Variants in EFCC1 observed in about 807,000 individuals in gnomAD.
EFCC1 encodes the protein EF-hand and coiled-coil domain containing 1, also known as EF-hand and coiled-coil domain-containing protein 1.
Under a neutral mutation model 52.1 loss-of-function variants are expected in EFCC1, and 50 were observed. The observed-to-expected ratio is 0.96, with a 90% CI of 0.76 to 1.21. The LOEUF (loss-of-function observed/expected upper bound fraction) is 1.21, where lower values mean the gene tolerates loss of function less well. EFCC1 is among the 50% of genes most tolerant of loss of function. The pLI is 0.00. For missense variants in EFCC1, 837 were observed against 867.3 expected (o/e 0.97, Z 0.44); for synonymous variants, 399 against 396.5 (o/e 1.01, Z -0.08).
At chr3:129,030,285 G>C (rs1559973956) in intron 2 of EFCC1, among the ~76,000 whole-genome samples, 1 of 152,166 alleles carries the variant, frequency 6.6e-6, no homozygotes, top group African/African-American at 2.4e-5. Flanking sequence ...TAGGGCTGAT[G>C]AACTCAACAG....
At chr3:129,022,307 G>A (rs1321559903) in intron 2 of EFCC1, among the ~76,000 whole-genome samples, 2 of 152,188 alleles carry the variant, frequency 1.3e-5, no homozygotes, top group African/African-American at 2.4e-5. Flanking sequence ...GCTCAGAGAC[G>A]GGGAGGGAGT....
intron 2 of EFCC1, among the ~76,000 whole-genome samples, chr3:129,013,984 C>T (rs1945453306): frequency 6.6e-6 from 1 of 152,150 alleles, no homozygotes; most frequent in South Asian, 2.1e-4. Context: ...GGGGCTTTTC[C>T]GGAGAGGACC....
rs1006856833 is a variant in EFCC1, at chr3:129,014,711, A to G, written c.980+10634A>G. Among the ~76,000 whole-genome samples the G allele has an allele frequency of 1.3e-5, 2 of 152,188 alleles. No homozygotes were observed. Among genetic ancestry groups the G allele is most frequent in the African/African-American group, 4.8e-5 (2 of 41,446 alleles). ...CCCTGGAATTGAGGCCTGAGTGGCA[A>G]GGTGGGGCCATGACTTGTGTGATCC... On this transcript the variant is annotated intron_variant, in intron 2 of 7. Coordinates refer to ENST00000683648, the MANE Select transcript of EFCC1 (RefSeq NM_001377500.1). This position sits in a 1 kb window ranked among gnomAD's most constrained non-coding sequence, Gnocchi z 4.3.
intron 2 of EFCC1, among the ~76,000 whole-genome samples, chr3:129,015,778 G>GC (rs1365896811): frequency 2.6e-4 from 35 of 136,298 alleles, no homozygotes; most frequent in African/African-American, 9.6e-4. Flanking sequence ...GCTGCATCCC[G>GC]CCCCCCTACC....
chr3:129,024,171 G>A (rs914401763), intron 2 of EFCC1, among the ~76,000 whole-genome samples: 1 of 152,262 alleles, frequency 6.6e-6, no homozygotes, highest in Non-Finnish European at 1.5e-5. Context: ...AGCCAGGAGA[G>A]GTGTCTTATT....
intron 2 of EFCC1, among the ~76,000 whole-genome samples, chr3:129,006,894 AAAG>A (rs5852557): frequency 0.021 from 3,220 of 152,258 alleles, 115 homozygotes; most frequent in African/African-American, 0.072. Flanking sequence ...CTCACTCTGA[AAAG>A]AAGGAAAAGG....
chr3:129,018,556 A>G (rs1392881900), intron 2 of EFCC1, among the ~76,000 whole-genome samples: 2 of 152,188 alleles, frequency 1.3e-5, no homozygotes, highest in Non-Finnish European at 2.9e-5. Flanking sequence ...AGCCTGAAGT[A>G]TTTACTCTCT....
rs1323088349 is a variant in EFCC1, at chr3:129,001,838, C to G, written c.210C>G (p.Gly70=). 1 of 1,545,590 alleles carries G rather than the reference C, an allele frequency of 6.5e-7. No homozygotes were observed. The highest frequency in any genetic ancestry group is 8.7e-7 in the Non-Finnish European group (1 of 1,145,636). Residue 70 remains glycine (G), a synonymous_variant, in exon 1 of 8, where the codon GGC becomes GGG. Coordinates refer to ENST00000683648, the MANE Select transcript of EFCC1 (RefSeq NM_001377500.1). ...QEVFHHLDCR[G]AGRLPRADFR... is the part of the protein sequence containing the mutation. ...TCTTCCACCACCTGGACTGCCGCGG[C>G]GCCGGCCGTCTGCCCCGCGCCGACT...
chr3:129,034,082 AC>A, intron 4 of EFCC1, 81 bp from the exon 5 acceptor site: 1 of 1,558,204 alleles, frequency 6.4e-7, no homozygotes, highest in Non-Finnish European at 8.8e-7. Flanking sequence ...CCAACTCCAC[AC>A]CACCACCACC....
At position 129,039,828 on chromosome 3, in the gene EFCC1, C is replaced by T; in HGVS notation, c.1780C>T (p.Pro594Ser). 6.2e-7 allele frequency: 1 copy of T among 1,609,282 alleles called. No individual in the cohort carries two copies. The highest frequency in any genetic ancestry group is 1.1e-5 in the South Asian group (1 of 90,556). Residue 594 changes from proline (P) to serine (S), a missense_variant, in exon 8 of 8, where the codon CCC (proline) becomes TCC (serine). By Grantham distance (74) the Pro-to-Ser change is moderately conservative. Transcript: ENST00000683648. ...CTCTGCAGCAGCTGCGCTCACCAAC[C>T]CCCTCCTCGTCTCCTGCTGAGGTTA... ...PASAAAALTN[P>S]LLVSC is the part of the protein sequence containing the mutation.
At chr3:129,039,017 T>C in intron 7 of EFCC1, 117 bp downstream of exon 7, 1 of 914,932 alleles carries the variant, frequency 1.1e-6, no homozygotes, top group Non-Finnish European at 1.7e-6. Context: ...ATGTTATTCC[T>C]GCCCTGCATG....
Position 129,002,033 on chromosome 3 carries a change from C to A in EFCC1, c.405C>A (p.Ala135=). 6.5e-7 allele frequency: 1 copy of A among 1,543,804 alleles called. No individual in the cohort carries two copies. Among genetic ancestry groups the A allele is most frequent in the Non-Finnish European group, 8.7e-7 (1 of 1,144,524 alleles). Residue 135 remains alanine, a synonymous_variant, in exon 1 of 8, where the codon GCC becomes GCA. Coordinates refer to ENST00000683648, the MANE Select transcript of EFCC1 (RefSeq NM_001377500.1). The stretch of plus-strand genomic sequence containing the variant: ...AAGAGGCGCGCCTGGCGCTGCGCGC[C>A]GAGCCGCCGGAGCTCACCTTCCGCC... ...TDEEARLALR[A]EPPELTFRQF...
intron 2 of EFCC1, 34 bp from the exon 3 acceptor site, chr3:129,030,669 C>T (rs1408404823): frequency 6.5e-7 from 1 of 1,546,132 alleles, no homozygotes. Flanking sequence ...CTGTACTCTC[C>T]TCCTCAATGC....
chr3:129,037,258 G>A (rs1198104789), intron 6 of EFCC1, 141 bp downstream of exon 6: 3 of 1,271,574 alleles, frequency 2.4e-6, no homozygotes, highest in African/African-American at 1.5e-5. Context: ...AGAAATGGAG[G>A]CTCAGAAGAA....
chr3:129,028,641 C>CTT (rs370016067), intron 2 of EFCC1, among the ~76,000 whole-genome samples: 1 of 150,210 alleles, frequency 6.7e-6, no homozygotes, highest in African/African-American at 2.5e-5. Flanking sequence ...TTTCTTTTTT[C>CTT]TTTTTTTTTT....
At chr3:129,019,023 C>G (rs375713408) in intron 2 of EFCC1, among the ~76,000 whole-genome samples, 1 of 152,330 alleles carries the variant, frequency 6.6e-6, no homozygotes, top group South Asian at 2.1e-4. Flanking sequence ...TGTCCTCCCC[C>G]ACACCACCGT....
chr3:129,029,923 G>A (rs937266938), intron 2 of EFCC1, among the ~76,000 whole-genome samples: 3 of 151,702 alleles, frequency 2.0e-5, no homozygotes, highest in African/African-American at 7.3e-5. Flanking sequence ...AGTGGCTCAT[G>A]GCTGTAATCC....
chr3:129,008,808 G>A (rs917384528), intron 2 of EFCC1, among the ~76,000 whole-genome samples: 6 of 152,166 alleles, frequency 3.9e-5, no homozygotes, highest in African/African-American at 1.4e-4. Context: ...GCCCCTGCCT[G>A]CTGAGGTGCA....
chr3:129,011,696 G>A (rs1382924126), intron 2 of EFCC1, among the ~76,000 whole-genome samples: 1 of 152,126 alleles, frequency 6.6e-6, no homozygotes, highest in Non-Finnish European at 1.5e-5. Flanking sequence ...CTGTCGAGGT[G>A]GCTGATCAGT....
Sources: allele counts gnomAD v4.1 joint callset (sites outside exome capture counted in the v4.1 genomes callset), GRCh38; gene constraint gnomAD v4.1.1; non-coding constraint Gnocchi (gnomAD v3.1); transcripts MANE v1.5; gene names NCBI Gene and HGNC (gene_info 2026-07-23, HGNC 2026-07-21).